Variants in OTX2 observed in about 807,000 individuals in gnomAD.
OTX2 encodes the protein homeobox protein OTX2.
A neutral mutation model predicts 29.0 loss-of-function variants in OTX2; 4 were observed. The observed-to-expected ratio is 0.14, with a 90% CI of 0.07 to 0.32. The LOEUF (loss-of-function observed/expected upper bound fraction) is 0.32. Among genes scored for constraint, OTX2 ranks in the 10% least tolerant of loss-of-function variants. The pLI is 1.00. For missense variants in OTX2, 298 were observed against 365.9 expected, an observed-to-expected ratio of 0.81 and a Z score of 1.51; for synonymous variants, 134 against 141.0, an observed-to-expected ratio of 0.95 and a Z score of 0.35.
At chr14:56,803,807 C>T (rs116062329) in intron 4 of OTX2, among the ~76,000 whole-genome samples, 2,840 of 152,280 alleles carry the variant, frequency 0.019, 88 homozygotes, top group African/African-American at 0.065. Context: ...AAGTCATTTA[C>T]TCTATTTTTT....
chr14:56,799,938 A>ACAAT lies in OTX2; in HGVS notation c.*1793_*1796dup, dbSNP rs1566620647. ...ACTGCTAACCTTCATTTAAAACGTT[A>ACAAT]CAATCAAGAGTCACTTAATTTTGGT... On this transcript the variant is annotated 3_prime_UTR_variant, in exon 5 of 5. Coordinates refer to ENST00000672264, the MANE Select transcript of OTX2 (RefSeq NM_021728.4). The ACAAT allele has an allele frequency of 6.6e-6, 1 of 152,250 alleles. No individual in the cohort carries two copies. Among genetic ancestry groups the ACAAT allele is most frequent in the Non-Finnish European group, 1.5e-5 (1 of 68,052 alleles). 9.4% of individuals were successfully genotyped at this position (152,250 alleles called of 1,614,324 possible). A position where few individuals can be genotyped will look rare whatever the true frequency, so the allele number is the denominator to read the frequency against.
intron 2 of OTX2, among the ~76,000 whole-genome samples, chr14:56,808,048 G>A (rs2139543011): frequency 6.6e-6 from 1 of 151,174 alleles, no homozygotes; most frequent in East Asian, 1.9e-4. Context: ...CACTGCCCGC[G>A]CCCCCCGCGC....
Position 56,804,300 on chromosome 14 carries a change from G to C in OTX2, c.161C>G (p.Thr54Ser). The C allele has an allele frequency of 6.2e-7, 1 of 1,614,166 alleles. No individual in the cohort carries two copies. The highest frequency in any genetic ancestry group is 8.5e-7 in the Non-Finnish European group (1 of 1,180,048). ...RKQRRERTTF[T>S]RAQLDVLEAL... is the part of the protein sequence containing the mutation. ...TTCCAGCACATCTAGCTGCGCCCGA[G>C]TGAACGTCGTCCTCTCCCGGCGCTG... Residue 54 changes from threonine to serine, a missense_variant, in exon 4 of 5, where the codon ACT (threonine) becomes AGT (serine). By Grantham distance (58) the Thr-to-Ser change is moderately conservative. This residue lies in a region of OTX2 where 29 missense variants were observed against 84.7 expected (regional missense o/e 0.34). Transcript: ENST00000672264. The surrounding 1 kb of genome is among the most constrained non-coding windows in gnomAD (Gnocchi z 4.1).
chr14:56,801,615 T>G lies in OTX2; in HGVS notation c.*120A>C. 8.3e-7 allele frequency: 1 copy of G among 1,201,126 alleles called. No individual in the cohort carries two copies. The highest frequency in any genetic ancestry group is 1.2e-6 in the Non-Finnish European group (1 of 814,780). 74.4% of individuals were successfully genotyped at this position (1,201,126 alleles called of 1,614,324 possible). A position where few individuals can be genotyped will look rare whatever the true frequency, so the allele number is the denominator to read the frequency against. On this transcript the variant is annotated 3_prime_UTR_variant, in exon 5 of 5. Transcript: ENST00000672264. The surrounding 1 kb of genome is among the most constrained non-coding windows in gnomAD (Gnocchi z 4.2). ...TTTTTCCTTCTATGCCTCTCGGAAC[T>G]TTGATCAGATGAGTCTGAGCATCAT... is the stretch of plus-strand genomic sequence containing the variant.
chr14:56,809,404 G>A (rs1021338479), intron 2 of OTX2, among the ~76,000 whole-genome samples: 2 of 152,062 alleles, frequency 1.3e-5, no homozygotes, highest in Non-Finnish European at 2.9e-5. Context: ...TTGGATTTTG[G>A]GGGGTGGTGG....
chr14:56,802,001 C>T lies in OTX2; in HGVS notation c.628G>A (p.Gly210Arg). 2.5e-6 allele frequency: 4 copies of T among 1,614,158 alleles called. No individual in the cohort carries two copies. The highest frequency in any genetic ancestry group is 3.4e-6 in the Non-Finnish European group (4 of 1,180,032). ...TGATGCATAGGGGTCAAATATGATC[C>T]ACAGTCCATGCCCCCAAAGTAGGAA... is the stretch of plus-strand genomic sequence containing the variant. ...STSYFGGMDC[G>R]SYLTPMHHQL... The change falls in exon 5 of 5, where the codon GGA (glycine) becomes AGA (arginine). Residue 210 changes from glycine (G) to arginine (R), a missense_variant. By Grantham distance (125) the Gly-to-Arg change is moderately radical. This residue lies in a region of OTX2 where 219 missense variants were observed against 223.5 expected (regional missense o/e 0.98). Coordinates refer to ENST00000672264, the MANE Select transcript of OTX2 (RefSeq NM_021728.4). The surrounding 1 kb of genome is among the most constrained non-coding windows in gnomAD (Gnocchi z 4.4).
chr14:56,805,587 G>C lies in OTX2; in HGVS notation c.-119-12C>G. On this transcript the variant is annotated splice_polypyrimidine_tract_variant and intron_variant, in intron 2 of 4. Transcript: ENST00000672264. ...TTGGAGCAGTGGAACTAAGGGCAAA[G>C]CAAACAAACAAACAGAGGGGCTGGT... is the stretch of plus-strand genomic sequence containing the variant. 3 of 695,052 alleles carry C rather than the reference G, an allele frequency of 4.3e-6. No homozygotes were observed. Among genetic ancestry groups the C allele is most frequent in the Non-Finnish European group, 7.9e-6 (3 of 379,338 alleles). The allele number at this position is 695,052 out of a possible 1,614,324, so 43.1% of individuals were successfully genotyped here.
rs1196491234 is a variant in OTX2, at chr14:56,800,078, A to G, written c.*1657T>C. 6.6e-6 allele frequency: 1 copy of G among 152,202 alleles called. No individual in the cohort carries two copies. The highest frequency in any genetic ancestry group is 1.9e-4 in the East Asian group (1 of 5,194). The allele number at this position is 152,202 out of a possible 1,614,324, so 9.4% of individuals were successfully genotyped here. ...GGTGACTGGTTTACAAAATGCAGGT[A>G]CAACTGAAAAGGGACCCATTTTTTC... On this transcript the variant is annotated 3_prime_UTR_variant, in exon 5 of 5. Transcript: ENST00000672264.
At position 56,802,013 on chromosome 14, in the gene OTX2, C is replaced by A. The variant is rs907201088; in HGVS notation, c.616G>T (p.Gly206Cys). The part of the protein sequence containing the change: ...GYAGSTSYFG[G>C]MDCGSYLTPM... ...GTCAAATATGATCCACAGTCCATGC[C>A]CCCAAAGTAGGAAGTTGAGCCAGCA... The change falls in exon 5 of 5, where the codon GGC becomes TGC. Residue 206 changes from glycine (G) to cysteine (C), a missense_variant. Gly to Cys is a radical substitution (Grantham distance 159, BLOSUM62 -3). This residue lies in a region of OTX2 where 219 missense variants were observed against 223.5 expected (regional missense o/e 0.98). Coordinates refer to ENST00000672264, the MANE Select transcript of OTX2 (RefSeq NM_021728.4). This position sits in a 1 kb window ranked among gnomAD's most constrained non-coding sequence, Gnocchi z 4.4. 6.2e-7 allele frequency: 1 copy of A among 1,613,986 alleles called. No homozygotes were observed. Among genetic ancestry groups the A allele is most frequent in the Non-Finnish European group, 8.5e-7 (1 of 1,180,024 alleles).
chr14:56,801,800 T>G lies in OTX2; in HGVS notation c.829A>C (p.Asn277His). 6.2e-7 allele frequency: 1 copy of G among 1,614,180 alleles called. No individual in the cohort carries two copies. Among genetic ancestry groups the G allele is most frequent in the East Asian group, 2.2e-5 (1 of 44,870 alleles). The change falls in exon 5 of 5, where the codon AAC (asparagine) becomes CAC (histidine). Residue 277 changes from asparagine to histidine, a missense_variant. Asn to His is a moderately conservative substitution (Grantham distance 68). Around this residue, in one of 3 missense-constraint regions of OTX2, gnomAD observed 219 missense variants for 223.5 expected, o/e 0.98. Coordinates refer to ENST00000672264, the MANE Select transcript of OTX2 (RefSeq NM_021728.4). The surrounding 1 kb of genome is among the most constrained non-coding windows in gnomAD (Gnocchi z 4.2). ...YKDQTASWKL[N>H]FNADCLDYKD... ...TAATCCAAGCAGTCAGCATTGAAGT[T>G]AAGCTTCCAGGAGGCAGTTTGGTCC...
In OTX2 at chr14:56,805,457, G is replaced by A; in HGVS notation, c.-1C>T. 6.2e-7 allele frequency: 1 copy of A among 1,610,454 alleles called. No homozygotes were observed. The highest frequency in any genetic ancestry group is 8.5e-7 in the Non-Finnish European group (1 of 1,176,708). ...GCGGTTGCTTAAGATAAGACATCAT[G>A]CTAAGGTTGTTTGGAGGTGCAAAGT... On this transcript the variant is annotated 5_prime_UTR_variant, in exon 3 of 5. Transcript: ENST00000672264.
chr14:56,808,417 A>G (rs1892163274), intron 2 of OTX2, among the ~76,000 whole-genome samples: 1 of 152,098 alleles, frequency 6.6e-6, no homozygotes, highest in African/African-American at 2.4e-5. Context: ...ACCGCGGAAA[A>G]CGGCCGGCGC....
At position 56,805,396 on chromosome 14, in the gene OTX2, C is replaced by T; in HGVS notation, c.61G>A (p.Gly21Ser). 1 of 1,613,950 alleles carries T rather than the reference C, an allele frequency of 6.2e-7. No homozygotes were observed. Among genetic ancestry groups the T allele is most frequent in the Non-Finnish European group, 8.5e-7 (1 of 1,179,842 alleles). The change falls in exon 3 of 5, where the codon GGT becomes AGT. Residue 21 changes from glycine to serine, a missense_variant. Gly to Ser is a moderately conservative substitution (Grantham distance 56, BLOSUM62 0). Coordinates refer to ENST00000672264, the MANE Select transcript of OTX2 (RefSeq NM_021728.4). ...ACGGAGGGGTGCAGCAAGTCCATACCCGAAGTGGTCAGACTCAGCCCATTG... is the reference window on the plus strand; with the variant it reads ...ACGGAGGGGTGCAGCAAGTCCATACTCGAAGTGGTCAGACTCAGCCCATTG... ...AVNGLSLTTS[G>S]MDLLHPSVGY...
chr14:56,801,668 G>A lies in OTX2; in HGVS notation c.*67C>T. 1 of 1,543,400 alleles carries A rather than the reference G, an allele frequency of 6.5e-7. No homozygotes were observed. Among genetic ancestry groups the A allele is most frequent in the Non-Finnish European group, 8.9e-7 (1 of 1,118,270 alleles). Reference sequence around the variant, plus strand: ...CATCTAACTCTTTTAACCAATGCCTGGCTAAAACTGGAATGTCCAGCCCAG... The same window carrying A: ...CATCTAACTCTTTTAACCAATGCCTAGCTAAAACTGGAATGTCCAGCCCAG... On this transcript the variant is annotated 3_prime_UTR_variant, in exon 5 of 5. Transcript: ENST00000672264. The surrounding 1 kb of genome is among the most constrained non-coding windows in gnomAD (Gnocchi z 4.2).
In OTX2 at chr14:56,804,087, G is replaced by A; in HGVS notation, c.273+101C>T. ...CTTAGTGAGTGAAGGAGAATTTCAA[G>A]CCTTCCTTCAGTCCTCTGAAAGACC... On this transcript the variant is annotated intron_variant, in intron 4 of 4. Transcript: ENST00000672264. This position sits in a 1 kb window ranked among gnomAD's most constrained non-coding sequence, Gnocchi z 4.1. 7.3e-7 allele frequency: 1 copy of A among 1,360,852 alleles called. No individual in the cohort carries two copies. Among genetic ancestry groups the A allele is most frequent in the East Asian group, 2.3e-5 (1 of 43,352 alleles). The allele number at this position is 1,360,852 out of a possible 1,614,324, so 84.3% of individuals were successfully genotyped here. A position where few individuals can be genotyped will look rare whatever the true frequency, so the allele number is the denominator to read the frequency against.
At chr14:56,803,624 A>T (rs1891970940) in intron 4 of OTX2, among the ~76,000 whole-genome samples, 1 of 152,226 alleles carries the variant, frequency 6.6e-6, no homozygotes, top group African/African-American at 2.4e-5. Flanking sequence ...GAGGGGTGTC[A>T]CTAGAGACAT....
At chr14:56,810,041 C>T (rs543448752) in intron 2 of OTX2, 118 bp downstream of exon 2, 1 of 152,282 alleles carries the variant, frequency 6.6e-6, no homozygotes, top group Non-Finnish European at 1.5e-5. Context: ...ATACATCCGC[C>T]TACAGAACTC....
At position 56,801,534 on chromosome 14, in the gene OTX2, C is replaced by A; in HGVS notation, c.*201G>T. The A allele has an allele frequency of 1.6e-6, 1 of 613,742 alleles. No individual in the cohort carries two copies. The highest frequency in any genetic ancestry group is 2.9e-6 in the Non-Finnish European group (1 of 347,862). The allele number at this position is 613,742 out of a possible 1,614,324, so 38.0% of individuals were successfully genotyped here. ...TCTAAAACTATGACAGGATCTTAAGCAGATTGGTTTGTCCATTTCATGTTG... is the reference window on the plus strand; with the variant it reads ...TCTAAAACTATGACAGGATCTTAAGAAGATTGGTTTGTCCATTTCATGTTG... On this transcript the variant is annotated 3_prime_UTR_variant, in exon 5 of 5. Transcript: ENST00000672264. The surrounding 1 kb of genome is among the most constrained non-coding windows in gnomAD (Gnocchi z 4.2).
intron 4 of OTX2, among the ~76,000 whole-genome samples, chr14:56,803,296 G>C (rs1269946394): frequency 6.6e-6 from 1 of 152,202 alleles, no homozygotes; most frequent in African/African-American, 2.4e-5. Flanking sequence ...TGGTAAAAGT[G>C]AGGCCACCAA....
Sources: allele counts gnomAD v4.1 joint callset (sites outside exome capture counted in the v4.1 genomes callset), GRCh38; gene constraint gnomAD v4.1.1; regional missense constraint gnomAD v4.1.1; non-coding constraint Gnocchi (gnomAD v3.1); transcripts MANE v1.5; gene names NCBI Gene and HGNC (gene_info 2026-07-23, HGNC 2026-07-21).